Variants in DMTF1 observed in about 807,000 individuals in gnomAD.
The protein encoded by DMTF1 is cyclin D binding myb like transcription factor 1.
Under a neutral mutation model 91.1 loss-of-function variants are expected in DMTF1, and 39 were observed. That is an observed-to-expected ratio of 0.43 (90% CI 0.33 to 0.56). DMTF1 has a LOEUF of 0.56. Among genes scored for constraint, DMTF1 ranks in the 20% least tolerant of loss-of-function variants. The probability of loss-of-function intolerance (pLI) is 0.05; values close to 1 mark genes in which losing one functional copy is unlikely to be tolerated. For missense variants in DMTF1, 750 were observed against 914.5 expected, an observed-to-expected ratio of 0.82 and a Z score of 2.32; for synonymous variants, 338 against 309.5, an observed-to-expected ratio of 1.09 and a Z score of -0.97.
rs1562840761 is a variant in DMTF1, at chr7:87,185,952, T to C, written c.1173T>C (p.Ile391=). 2 of 1,613,876 alleles carry C rather than the reference T, an allele frequency of 1.2e-6. No homozygotes were observed. The highest frequency in any genetic ancestry group is 1.7e-5 in the Admixed American group (1 of 60,002). The stretch of plus-strand genomic sequence containing the variant: ...AATGGTGGACCATCAAAAGGCAAAT[T>C]GCAAACCATAAGGATGTTTCGTTCC... ...RSKWWTIKRQ[I]ANHKDVSFPV... The change falls in exon 12 of 18, where the codon ATT becomes ATC. Residue 391 remains isoleucine (I), a synonymous_variant. Coordinates refer to ENST00000331242, the MANE Select transcript of DMTF1 (RefSeq NM_001142327.2).
In DMTF1 at chr7:87,171,098, A is replaced by T; in HGVS notation, c.327+9A>T. The T allele has an allele frequency of 3.2e-6, 5 of 1,567,370 alleles. No individual in the cohort carries two copies. Among genetic ancestry groups the T allele is most frequent in the Non-Finnish European group, 4.4e-6 (5 of 1,142,944 alleles). ...CTGTGACACAGATACAGGTATAGTA[A>T]ATCTTTTAACTGGCCTCAGGAGGAT... On this transcript the variant is annotated intron_variant, in intron 5 of 17. Coordinates refer to ENST00000331242, the MANE Select transcript of DMTF1 (RefSeq NM_001142327.2).
intron 12 of DMTF1, chr7:87,187,599 C>CA (rs1438851984): frequency 2.5e-5 from 4 of 159,150 alleles, no homozygotes; most frequent in Admixed American, 2.4e-4. Flanking sequence ...ACGAATAGAG[C>CA]AAAGCAAAGT....
rs1240830520 is a variant in DMTF1 at position 87,181,242 on chromosome 7, A to G, written c.678-67A>G. On this transcript the variant is annotated intron_variant, in intron 8 of 17. Transcript: ENST00000331242. The stretch of plus-strand genomic sequence containing the variant: ...ATTCAGCTCCCTAAATGAAATTCTG[A>G]TTTTTATTGAGGTTTTTAGCATTCA... The G allele has an allele frequency of 5.3e-6, 4 of 758,590 alleles. No individual in the cohort carries two copies. The Admixed American group carries it at 9.4e-5, about 18-fold the overall frequency. The allele number at this position is 758,590 out of a possible 1,614,324, so 47.0% of individuals were successfully genotyped here.
intron 13 of DMTF1, among the ~76,000 whole-genome samples, chr7:87,188,922 A>G (rs1322011313): frequency 6.6e-6 from 1 of 152,170 alleles, no homozygotes; most frequent in African/African-American, 2.4e-5. Flanking sequence ...TATAGTGACA[A>G]AAAAAGGAAT....
In DMTF1 at chr7:87,190,908, ATTATTCTTACCACAGCTTACC is replaced by A; in HGVS notation, c.1412-18_1414del. The A allele has an allele frequency of 2.6e-5, 40 of 1,542,922 alleles. No homozygotes were observed. The highest frequency in any genetic ancestry group is 2.0e-4 in the South Asian group (17 of 84,538). ...TAAATTAACAAAACATTTATTGTAA[ATTATTCTTACCACAGCTTACC>A]TTATTCTTACCACAGCTTCAGCAGA... On this transcript the variant is annotated splice_polypyrimidine_tract_variant and intron_variant, in intron 13 of 17. Coordinates refer to ENST00000331242, the MANE Select transcript of DMTF1 (RefSeq NM_001142327.2).
In DMTF1 at chr7:87,171,369, G is replaced by A. The variant is rs1054975104; in HGVS notation, c.327+280G>A. On this transcript the variant is annotated intron_variant, in intron 5 of 17. Transcript: ENST00000331242. ...ATAATTTCTAGTATTTGTTTAATAAGATTAACTTTAGACACAAAATGGACA... is the reference window on the plus strand; with the variant it reads ...ATAATTTCTAGTATTTGTTTAATAAAATTAACTTTAGACACAAAATGGACA... 1.1e-4 allele frequency among the ~76,000 whole-genome samples: 16 copies of A among 152,114 alleles called. No individual in the cohort carries two copies. In the East Asian group the frequency reaches 3.1e-3, roughly 29 times the overall value.
At chr7:87,163,182 G>A (rs1792938382) in intron 1 of DMTF1, 1 of 150,100 alleles carries the variant, frequency 6.7e-6, no homozygotes, top group African/African-American at 2.5e-5. Flanking sequence ...TGGTACCACA[G>A]TCTACAGTTC....
At chr7:87,164,471 TC>T (rs1437530271) in intron 2 of DMTF1, 1 of 152,232 alleles carries the variant, frequency 6.6e-6, no homozygotes, top group Non-Finnish European at 1.5e-5. Context: ...TATTTAGTGT[TC>T]CTGTTTTTCA....
Position 87,193,741 on chromosome 7 carries a change from A to G in DMTF1, c.1667A>G (p.Asn556Ser). The change falls in exon 16 of 18, where the codon AAC becomes AGC. Residue 556 changes from asparagine (N) to serine (S), a missense_variant. Physicochemically the swap from Asn to Ser is conservative, Grantham distance 46. Coordinates refer to ENST00000331242, the MANE Select transcript of DMTF1 (RefSeq NM_001142327.2). Reference protein sequence around the residue: ...VHALSPEHLLNTSDNVTVQCH... With the variant: ...VHALSPEHLLSTSDNVTVQCH... Reference sequence around the variant, plus strand: ...GTTTTATAGCCAGAACATTTGTTGAACACAAGTGATAATGTTACAGTGCAG... The same window carrying G: ...GTTTTATAGCCAGAACATTTGTTGAGCACAAGTGATAATGTTACAGTGCAG... 6.2e-7 allele frequency: 1 copy of G among 1,601,512 alleles called. No homozygotes were observed. Among genetic ancestry groups the G allele is most frequent in the Non-Finnish European group, 8.5e-7 (1 of 1,174,304 alleles).
Position 87,191,022 on chromosome 7 carries a change from C to A in DMTF1, c.1489C>A (p.Leu497Ile). The A allele has an allele frequency of 1.3e-6, 2 of 1,595,008 alleles. No individual in the cohort carries two copies. Among genetic ancestry groups the A allele is most frequent in the Non-Finnish European group, 1.7e-6 (2 of 1,166,814 alleles). ...NSGTLQTFEI[L>I]PSFHLQPTGT... is the part of the protein sequence containing the mutation. The stretch of plus-strand genomic sequence containing the variant: ...TGGAACACTACAGACATTTGAGATT[C>A]TTCCCGTGAGTAACGCTTCATATAT... Residue 497 changes from leucine to isoleucine, a missense_variant, in exon 14 of 18, where the codon CTT becomes ATT. Physicochemically the swap from Leu to Ile is conservative, Grantham distance 5. Around this residue, in one of 3 missense-constraint regions of DMTF1, gnomAD observed 410 missense variants for 420.2 expected, o/e 0.98. Transcript: ENST00000331242.
chr7:87,174,450 G>A (rs1339672628), intron 6 of DMTF1, 143 bp from the exon 7 acceptor site: 1 of 591,594 alleles, frequency 1.7e-6, no homozygotes, highest in Non-Finnish European at 3.0e-6. Context: ...TTTACCTAGA[G>A]ACCTTTCAGA....
At chr7:87,193,139 G>A (rs902131303) in intron 14 of DMTF1, 59 bp from the exon 15 acceptor site, 29 of 1,581,804 alleles carry the variant, frequency 1.8e-5, no homozygotes, top group African/African-American at 1.3e-4. Flanking sequence ...AACTCAGTCC[G>A]TTTTTGTATA....
chr7:87,184,796 GTGTT>G, intron 11 of DMTF1, 171 bp downstream of exon 11: 1 of 725,274 alleles, frequency 1.4e-6, no homozygotes, highest in Admixed American at 2.0e-5. Context: ...TTTTTGTGTT[GTGTT>G]TGTTCCTTTT....
At chr7:87,171,139 G>A in intron 5 of DMTF1, 50 bp downstream of exon 5, 1 of 1,242,224 alleles carries the variant, frequency 8.1e-7, no homozygotes. Context: ...TTTACACATT[G>A]CTTAGCTAAT....
At chr7:87,189,371 T>C (rs905855002) in intron 13 of DMTF1, among the ~76,000 whole-genome samples, 5 of 152,140 alleles carry the variant, frequency 3.3e-5, no homozygotes, top group African/African-American at 9.6e-5. Flanking sequence ...CAATGAAGGA[T>C]TTCTTTTCGT....
chr7:87,193,387 C>T (rs750367056), intron 15 of DMTF1, 34 bp downstream of exon 15: 1 of 1,607,684 alleles, frequency 6.2e-7, no homozygotes, highest in Non-Finnish European at 8.5e-7. Flanking sequence ...TTTTGAGTAC[C>T]TGTTATAGAC....
chr7:87,192,473 T>C (rs1336695756), intron 14 of DMTF1: 3 of 152,072 alleles, frequency 2.0e-5, no homozygotes, highest in African/African-American at 7.2e-5. Context: ...TAAGGAAACC[T>C]ATATTTGGGG....
chr7:87,159,326 A>G (rs1002853348), intron 1 of DMTF1, among the ~76,000 whole-genome samples: 1 of 152,184 alleles, frequency 6.6e-6, no homozygotes, highest in Admixed American at 6.5e-5. Flanking sequence ...TGATAAAGCT[A>G]TGGATAAAAC....
At chr7:87,169,895 T>A (rs1794691060) in intron 4 of DMTF1, among the ~76,000 whole-genome samples, 2 of 152,230 alleles carry the variant, frequency 1.3e-5, no homozygotes, top group Non-Finnish European at 2.9e-5. Flanking sequence ...TTGTTTTCTT[T>A]ACTCACTTTT....
Sources: allele counts gnomAD v4.1 joint callset (sites outside exome capture counted in the v4.1 genomes callset), GRCh38; gene constraint gnomAD v4.1.1; regional missense constraint gnomAD v4.1.1; transcripts MANE v1.5; gene names NCBI Gene and HGNC (gene_info 2026-07-23, HGNC 2026-07-21).